The following OTOF variants were observed in gnomAD, a reference collection of about 807,000 sequenced individuals.
OTOF encodes otoferlin.
In OTOF, 218 loss-of-function variants were observed where a neutral mutation model predicts 236.8. The observed-to-expected ratio is 0.92, with a 90% CI of 0.82 to 1.03. The LOEUF (loss-of-function observed/expected upper bound fraction) is 1.03, where lower values mean the gene tolerates loss of function less well. Among genes scored for constraint, OTOF ranks in the 50% least tolerant of loss-of-function variants. The probability of loss-of-function intolerance (pLI) is 0.00; values close to 1 mark genes in which losing one functional copy is unlikely to be tolerated. For missense variants in OTOF, 2,590 were observed against 2,694.4 expected, an observed-to-expected ratio of 0.96 and a Z score of 0.86; for synonymous variants, 1,041 against 1,072.5, an observed-to-expected ratio of 0.97 and a Z score of 0.57.
intron 5 of OTOF, among the ~76,000 whole-genome samples, chr2:26,511,378 T>C (rs1219423275): frequency 6.6e-6 from 1 of 152,188 alleles, no homozygotes; most frequent in African/African-American, 2.4e-5. Context: ...ACGGCCCCCC[T>C]ATCTCACTTT....
chr2:26,464,458 G>A (rs371299049), intron 39 of OTOF, among the ~76,000 whole-genome samples: 1 of 152,056 alleles, frequency 6.6e-6, no homozygotes, highest in East Asian at 1.9e-4. Context: ...CTGCTTCTCT[G>A]GGAAGTGCCT....
chr2:26,479,607 A>C lies in OTOF; in HGVS notation c.1959T>G (p.Pro653=), dbSNP rs1178251821. Residue 653 remains proline, a synonymous_variant, in exon 17 of 47, where the codon CCT becomes CCG. Coordinates refer to ENST00000272371, the MANE Select transcript of OTOF (RefSeq NM_194248.3). ...EVDGLSRPQR[P]RPRKEPGDEE... ...CATCCCCCGGCTCCTTCCGGGGCCG[A>C]GGCCGCTGGGGCCGGGACAGGCCAT... 1 of 1,612,436 alleles carries C rather than the reference A, an allele frequency of 6.2e-7. No homozygotes were observed. Among genetic ancestry groups the C allele is most frequent in the South Asian group, 1.1e-5 (1 of 91,068 alleles).
chr2:26,466,161 T>C (rs1307971608), intron 36 of OTOF, 85 bp from the exon 37 acceptor site: 6 of 1,567,122 alleles, frequency 3.8e-6, no homozygotes, highest in Non-Finnish European at 5.2e-6. Context: ...GAGGGTCCTA[T>C]GACAGTGAAG....
At chr2:26,519,155 G>T in intron 3 of OTOF, 46 bp from the exon 4 acceptor site, 1 of 1,286,114 alleles carries the variant, frequency 7.8e-7, no homozygotes, top group Non-Finnish European at 1.1e-6. Context: ...AAGAGACCAG[G>T]GTGAGGAGCA....
chr2:26,518,638 G>A (rs921989611), intron 4 of OTOF, among the ~76,000 whole-genome samples: 24 of 152,398 alleles, frequency 1.6e-4, no homozygotes, highest in Non-Finnish European at 3.1e-4. Context: ...GGGAGGACCC[G>A]AGCCAGATGT....
In OTOF at chr2:26,477,324, G is replaced by A. The variant is rs1665355807; in HGVS notation, c.2407-36C>T. 6.3e-7 allele frequency: 1 copy of A among 1,598,958 alleles called. No homozygotes were observed. Among genetic ancestry groups the A allele is most frequent in the Non-Finnish European group, 8.5e-7 (1 of 1,170,328 alleles). On this transcript the variant is annotated intron_variant, in intron 20 of 46. Coordinates refer to ENST00000272371, the MANE Select transcript of OTOF (RefSeq NM_194248.3). This position sits in a 1 kb window ranked among gnomAD's most constrained non-coding sequence, Gnocchi z 4.7. Reference sequence around the variant, plus strand: ...GGGGGTGTCAGTGAACCCAGCAACTGGGGGACAGCTCGGGCCATGACAAAG... The same window carrying A: ...GGGGGTGTCAGTGAACCCAGCAACTAGGGGACAGCTCGGGCCATGACAAAG...
At chr2:26,510,599 C>G in intron 5 of OTOF, 1 of 672,836 alleles carries the variant, frequency 1.5e-6, no homozygotes, top group Non-Finnish European at 2.3e-6. Flanking sequence ...ACAGCCCACT[C>G]CTGAGCCCTC....
intron 14 of OTOF, 151 bp from the exon 15 acceptor site, chr2:26,481,160 C>T: frequency 3.1e-6 from 2 of 652,970 alleles, no homozygotes; most frequent in East Asian, 2.7e-5. Context: ...AGCCTTCTTA[C>T]ACTGCGCTGG....
intron 8 of OTOF, among the ~76,000 whole-genome samples, chr2:26,497,414 C>G (rs941610149): frequency 6.6e-6 from 1 of 152,116 alleles, no homozygotes; most frequent in African/African-American, 2.4e-5. Flanking sequence ...AATGCGACTC[C>G]GAAGGTTGCT....
At chr2:26,512,751 C>A (rs113476440) in intron 5 of OTOF, among the ~76,000 whole-genome samples, 1 of 152,062 alleles carries the variant, frequency 6.6e-6, no homozygotes, top group Non-Finnish European at 1.5e-5. Context: ...AGGTGCTGCT[C>A]GGGGTAGAAG....
In OTOF at chr2:26,490,003, C is replaced by T. The variant is rs142091986; in HGVS notation, c.898-263G>A. Reference sequence around the variant, plus strand: ...AAGGAACTTGGAACAGTAGGTGGGACAGCCCATGCCCTTGTACTGTGCTCA... The same window carrying T: ...AAGGAACTTGGAACAGTAGGTGGGATAGCCCATGCCCTTGTACTGTGCTCA... On this transcript the variant is annotated intron_variant, in intron 9 of 46. Transcript: ENST00000272371. Among the ~76,000 whole-genome samples, 440 of 152,354 alleles carry T rather than the reference C, an allele frequency of 2.9e-3. 2 individuals carry two copies. The highest frequency in any genetic ancestry group is 1.5e-3 in the Non-Finnish European group (100 of 68,030).
chr2:26,504,898 G>A (rs916857167), intron 5 of OTOF, among the ~76,000 whole-genome samples: 3 of 152,146 alleles, frequency 2.0e-5, no homozygotes, highest in African/African-American at 7.2e-5. Flanking sequence ...CTCCAACCTG[G>A]AGCTCGCTTA....
chr2:26,540,643 C>T (rs1219429736), intron 1 of OTOF, among the ~76,000 whole-genome samples: 1 of 151,298 alleles, frequency 6.6e-6, no homozygotes, highest in African/African-American at 2.4e-5. Flanking sequence ...TCCCCTCTGA[C>T]GAGGGCCGGG....
At chr2:26,486,415 CAGGT>C (rs140523391) in intron 11 of OTOF, among the ~76,000 whole-genome samples, 3,628 of 150,140 alleles carry the variant, frequency 0.024, 50 homozygotes, top group Middle Eastern at 0.034. Context: ...GATCTGTGGA[CAGGT>C]GGGTGGATGG....
chr2:26,551,041 G>A (rs1215542084), intron 1 of OTOF, among the ~76,000 whole-genome samples: 1 of 152,130 alleles, frequency 6.6e-6, no homozygotes, highest in Non-Finnish European at 1.5e-5. Flanking sequence ...CCAGGCTGGA[G>A]TGCAGTGGCA....
Position 26,467,454 on chromosome 2 carries a change from C to T in OTOF, c.4138G>A (p.Glu1380Lys), listed in dbSNP as rs753311693. The T allele has an allele frequency of 1.9e-5, 30 of 1,614,130 alleles. No homozygotes were observed. The highest frequency in any genetic ancestry group is 3.4e-6 in the Non-Finnish European group (4 of 1,180,022). Residue 1380 changes from glutamate (E) to lysine (K), a missense_variant, in exon 34 of 47, where the codon GAG becomes AAG. By Grantham distance (56) the Glu-to-Lys change is moderately conservative (BLOSUM62 1). Transcript: ENST00000272371. ...KGKEKARAAK[E>K]EKKKKTQSSG... The stretch of plus-strand genomic sequence containing the variant: ...CTCTGAGTTTTCTTCTTCTTCTCCT[C>T]TTTGGCAGCCCTTGCCTTCTCCTTG...
rs73920282 is a variant in OTOF at position 26,463,233 on chromosome 2, C to T, written c.5192+250G>A. Reference sequence around the variant, plus strand: ...GGAGTGTGCTGTGTGGGGCTTGTCTCGCTCACTGATGCAGGGTGGAAGGCG... The same window carrying T: ...GGAGTGTGCTGTGTGGGGCTTGTCTTGCTCACTGATGCAGGGTGGAAGGCG... On this transcript the variant is annotated intron_variant, in intron 41 of 46. Coordinates refer to ENST00000272371, the MANE Select transcript of OTOF (RefSeq NM_194248.3). 0.031 allele frequency among the ~76,000 whole-genome samples: 4,734 copies of T among 152,316 alleles called. 227 individuals carry two copies. The highest frequency in any genetic ancestry group is 0.11 in the African/African-American group (4,435 of 41,564).
chr2:26,494,925 C>T lies in OTOF; in HGVS notation c.897+17G>A, dbSNP rs1332716979. On this transcript the variant is annotated intron_variant, in intron 9 of 46. Coordinates refer to ENST00000272371, the MANE Select transcript of OTOF (RefSeq NM_194248.3). Reference sequence around the variant, plus strand: ...TGCCATATTTACAGAGGCTCCTTTCCCCACAGGGCCACTGACCTCGTTGTA... The same window carrying T: ...TGCCATATTTACAGAGGCTCCTTTCTCCACAGGGCCACTGACCTCGTTGTA... The T allele has an allele frequency of 8.7e-6, 14 of 1,614,112 alleles. No individual in the cohort carries two copies. In the South Asian group the frequency reaches 1.5e-4, roughly 18 times the overall value.
intron 35 of OTOF, 116 bp from the exon 36 acceptor site, chr2:26,466,967 C>T: frequency 6.4e-7 from 1 of 1,564,512 alleles, no homozygotes. Context: ...CACCCTTTAA[C>T]TGCTGAGTCA....
Sources: allele counts gnomAD v4.1 joint callset (sites outside exome capture counted in the v4.1 genomes callset), GRCh38; gene constraint gnomAD v4.1.1; non-coding constraint Gnocchi (gnomAD v3.1); transcripts MANE v1.5; gene names NCBI Gene and HGNC (gene_info 2026-07-23, HGNC 2026-07-21).